Variants in ZNF704 observed in about 807,000 individuals in gnomAD.
ZNF704 encodes zinc finger protein 704, also known as glucocorticoid induced gene 1.
In ZNF704, 10 loss-of-function variants were observed where a neutral mutation model predicts 44.7. The ratio of observed to expected loss-of-function variants is 0.22; its 90% CI spans 0.14 to 0.38. ZNF704 has a LOEUF of 0.38. ZNF704 is among the 10% of genes least tolerant of loss of function. The probability of loss-of-function intolerance (pLI) is 1.00; values close to 1 mark genes in which losing one functional copy is unlikely to be tolerated. For synonymous variants in ZNF704, 211 were observed against 207.6 expected (o/e 1.02, Z -0.14); for missense variants, 390 against 545.5 (o/e 0.71, Z 2.84).
intron 5 of ZNF704, among the ~76,000 whole-genome samples, chr8:80,669,246 T>C (rs1174711272): frequency 6.6e-6 from 1 of 152,170 alleles, no homozygotes; most frequent in East Asian, 1.9e-4. Flanking sequence ...TTAAAAAAAC[T>C]GAGCTGCTTA....
chr8:80,728,096 TATC>T (rs1806515808), intron 2 of ZNF704, among the ~76,000 whole-genome samples: 1 of 152,204 alleles, frequency 6.6e-6, no homozygotes, highest in Admixed American at 6.5e-5. Flanking sequence ...TAGTAATCAT[TATC>T]ATTTATTTAG....
chr8:80,880,819 A>C, the ZNF704 span, among the ~76,000 whole-genome samples: 1 of 152,244 alleles, frequency 6.6e-6, no homozygotes, highest in African/African-American at 2.4e-5. Flanking sequence ...AAAGTAAGTG[A>C]AAGATAGAAA....
At chr8:80,666,160 T>C (rs1818190760) in intron 5 of ZNF704, among the ~76,000 whole-genome samples, 1 of 136,834 alleles carries the variant, frequency 7.3e-6, no homozygotes, top group Non-Finnish European at 1.5e-5. Flanking sequence ...TTCCCCTTCC[T>C]GTGTCCATGT....
At chr8:80,694,187 T>G (rs991792279) in intron 2 of ZNF704, 12 of 152,208 alleles carry the variant, frequency 7.9e-5, no homozygotes, top group African/African-American at 2.9e-4. Context: ...TTTTTAAAAC[T>G]ACTTACTATA....
chr8:80,695,047 T>C (rs561564649), intron 2 of ZNF704, among the ~76,000 whole-genome samples: 7 of 152,216 alleles, frequency 4.6e-5, no homozygotes, highest in African/African-American at 7.2e-5. Context: ...GATTTTACAG[T>C]ATTCACAGTT....
intron 2 of ZNF704, among the ~76,000 whole-genome samples, chr8:80,711,428 T>C (rs959313429): frequency 6.6e-6 from 1 of 152,214 alleles, no homozygotes; most frequent in African/African-American, 2.4e-5. Flanking sequence ...GGGTAAACTC[T>C]GTATCAGGAA....
At position 80,629,510 on chromosome 8, in the gene ZNF704, G is replaced by T. The variant is rs1321073800; in HGVS notation, c.*11856C>A. ...GGAGTTCTTTATTTCCACATTGTCA[G>T]ATGAAGGAAAAGATATTTTTTCAGG... On this transcript the variant is annotated 3_prime_UTR_variant, in exon 9 of 9. Transcript: ENST00000327835. The T allele has an allele frequency of 6.6e-6, 1 of 152,184 alleles. No individual in the cohort carries two copies. The highest frequency in any genetic ancestry group is 1.5e-5 in the Non-Finnish European group (1 of 68,040). 9.4% of individuals were successfully genotyped at this position (152,184 alleles called of 1,614,324 possible).
At chr8:80,880,988 G>A in the ZNF704 span, among the ~76,000 whole-genome samples, 2 of 152,308 alleles carry the variant, frequency 1.3e-5, no homozygotes, top group East Asian at 3.9e-4. Context: ...GCTGTTATAT[G>A]TATCCATGAC....
At chr8:80,783,165 A>G (rs1807557968) in intron 2 of ZNF704, among the ~76,000 whole-genome samples, 1 of 152,230 alleles carries the variant, frequency 6.6e-6, no homozygotes, top group African/African-American at 2.4e-5. Flanking sequence ...CACAGGGAGC[A>G]GGAGCAAAAG....
chr8:80,827,077 C>T (rs1311589959), intron 1 of ZNF704, among the ~76,000 whole-genome samples: 1 of 152,080 alleles, frequency 6.6e-6, no homozygotes, highest in Non-Finnish European at 1.5e-5. Flanking sequence ...CTGGCCAGGG[C>T]AATCAGGCAG....
intron 2 of ZNF704, among the ~76,000 whole-genome samples, chr8:80,704,193 C>A (rs974262057): frequency 6.6e-6 from 1 of 152,136 alleles, no homozygotes; most frequent in African/African-American, 2.4e-5. Flanking sequence ...GTGTGATTAG[C>A]TGGACTTCTT....
rs147719417 is a variant in ZNF704 at position 80,662,228 on chromosome 8, T to C, written c.928-2539A>G. Among the ~76,000 whole-genome samples, 177 of 152,246 alleles carry C rather than the reference T, an allele frequency of 1.2e-3. 3 individuals carry two copies. In the East Asian group the frequency reaches 0.032, roughly 28 times the overall value. On this transcript the variant is annotated intron_variant, in intron 6 of 8. Transcript: ENST00000327835. Reference sequence around the variant, plus strand: ...GCAAATGTATAAACACAGAACAAAGTCTTGAAGTACATACAAAAAATATTA... The same window carrying C: ...GCAAATGTATAAACACAGAACAAAGCCTTGAAGTACATACAAAAAATATTA...
chr8:80,671,732 C>T (rs1818284607), intron 4 of ZNF704, among the ~76,000 whole-genome samples: 1 of 152,194 alleles, frequency 6.6e-6, no homozygotes, highest in Non-Finnish European at 1.5e-5. Flanking sequence ...ACAGCTAGAC[C>T]TTGATTCCCA....
intron 7 of ZNF704, among the ~76,000 whole-genome samples, chr8:80,652,736 G>A (rs1414700559): frequency 6.6e-6 from 1 of 152,130 alleles, no homozygotes; most frequent in East Asian, 1.9e-4. Context: ...TTCTACCAGA[G>A]GTACAAGGAG....
Position 80,666,873 on chromosome 8 carries a change from T to C in ZNF704, c.660-1791A>G, listed in dbSNP as rs1395204372. Among the ~76,000 whole-genome samples, 5 of 151,842 alleles carry C rather than the reference T, an allele frequency of 3.3e-5. 1 individual carries two copies. Among genetic ancestry groups the C allele is most frequent in the African/African-American group, 1.2e-4 (5 of 41,360 alleles). ...GTAGATTCTGGATATTAGCCCTTTG[T>C]CAGATGAGTAGGTTGCGAAAATTTT... On this transcript the variant is annotated intron_variant, in intron 5 of 8. Transcript: ENST00000327835.
intron 2 of ZNF704, among the ~76,000 whole-genome samples, chr8:80,733,209 T>C (rs1585988516): frequency 6.6e-6 from 1 of 152,148 alleles, no homozygotes; most frequent in Non-Finnish European, 1.5e-5. Context: ...TTTAATCTCA[T>C]AGAACATATT....
intron 7 of ZNF704, among the ~76,000 whole-genome samples, chr8:80,654,256 G>T (rs1385576264): frequency 4.0e-5 from 6 of 151,810 alleles, no homozygotes; most frequent in Admixed American, 2.0e-4. Context: ...AACCTAGGCA[G>T]TACCATTCAG....
intron 2 of ZNF704, among the ~76,000 whole-genome samples, chr8:80,713,174 G>A (rs757978586): frequency 2.3e-4 from 35 of 152,232 alleles, no homozygotes; most frequent in African/African-American, 5.5e-4. Context: ...ATTAAATGAC[G>A]TTAAAAAGAC....
At chr8:80,750,052 C>T (rs1285583651) in intron 2 of ZNF704, among the ~76,000 whole-genome samples, 9 of 152,158 alleles carry the variant, frequency 5.9e-5, no homozygotes, top group African/African-American at 1.9e-4. Flanking sequence ...AGTTAACTAT[C>T]CCTTAGGCTA....
Sources: allele counts gnomAD v4.1 joint callset (sites outside exome capture counted in the v4.1 genomes callset), GRCh38; gene constraint gnomAD v4.1.1; transcripts MANE v1.5; gene names NCBI Gene and HGNC (gene_info 2026-07-23, HGNC 2026-07-21).